The following FHIT variants were observed in gnomAD, a reference collection of about 807,000 sequenced individuals.
FHIT encodes the protein fragile histidine triad diadenosine triphosphatase.
In FHIT, 19 loss-of-function variants were observed where a neutral mutation model predicts 17.9. That is an observed-to-expected ratio of 1.06 (90% CI 0.74 to 1.56). FHIT has a LOEUF of 1.56. Among genes scored for constraint, FHIT ranks in the 40% most tolerant of loss-of-function variants. The pLI, the probability that FHIT is intolerant of heterozygous loss-of-function variation, is 0.00. For missense variants in FHIT, 248 were observed against 189.2 expected (o/e 1.31, Z -1.82); for synonymous variants, 81 against 69.7 (o/e 1.16, Z -0.81).
At chr3:60,759,018 C>A (rs570854741) in intron 4 of FHIT, among the ~76,000 whole-genome samples, 1 of 152,146 alleles carries the variant, frequency 6.6e-6, no homozygotes, top group East Asian at 1.9e-4. Flanking sequence ...GGGCGGAAAT[C>A]ATGAGATGAC....
At chr3:60,910,426 T>TTTC (rs1553765572) in intron 3 of FHIT, among the ~76,000 whole-genome samples, 1 of 151,284 alleles carries the variant, frequency 6.6e-6, no homozygotes, top group Non-Finnish European at 1.5e-5. Flanking sequence ...TTTTTTTTTT[T>TTTC]TCCCAGACGG....
At chr3:60,991,473 C>G (rs1430592634) in intron 3 of FHIT, among the ~76,000 whole-genome samples, 1 of 152,146 alleles carries the variant, frequency 6.6e-6, no homozygotes, top group Non-Finnish European at 1.5e-5. Flanking sequence ...TTACAGCTGT[C>G]TGGGCGTCAT....
At chr3:60,442,913 T>C (rs2031018248) in intron 5 of FHIT, among the ~76,000 whole-genome samples, 1 of 152,314 alleles carries the variant, frequency 6.6e-6, no homozygotes, top group Middle Eastern at 3.4e-3. Flanking sequence ...GAGCATGGAA[T>C]GTTCTTCCAT....
At chr3:61,163,596 C>A (rs1029665272) in intron 2 of FHIT, among the ~76,000 whole-genome samples, 9 of 152,134 alleles carry the variant, frequency 5.9e-5, no homozygotes, top group African/African-American at 2.2e-4. Context: ...GGGTCATAGG[C>A]CTTATTCAAG....
chr3:60,448,221 A>T (rs978439179), intron 5 of FHIT, among the ~76,000 whole-genome samples: 11 of 152,160 alleles, frequency 7.2e-5, no homozygotes, highest in Non-Finnish European at 1.3e-4. Context: ...ACTAAGATCA[A>T]ATGCCCAGGC....
At chr3:60,834,884 A>AAG (rs1702478060) in intron 3 of FHIT, among the ~76,000 whole-genome samples, 2 of 130,100 alleles carry the variant, frequency 1.5e-5, no homozygotes, top group Admixed American at 1.5e-4. Flanking sequence ...AAGAAAAGAA[A>AAG]AAAAAAAAAA....
chr3:60,376,121 T>C (rs1166085775), intron 5 of FHIT, among the ~76,000 whole-genome samples: 1 of 152,128 alleles, frequency 6.6e-6, no homozygotes, highest in African/African-American at 2.4e-5. Context: ...AGTTACATAG[T>C]GTTTAAAATT....
At chr3:61,188,282 C>G (rs1344101159) in intron 2 of FHIT, among the ~76,000 whole-genome samples, 2 of 152,098 alleles carry the variant, frequency 1.3e-5, no homozygotes, top group African/African-American at 2.4e-5. Context: ...TACAAACTAC[C>G]ATCAGAGAAT....
At chr3:60,233,358 G>A (rs1704600316) in intron 5 of FHIT, among the ~76,000 whole-genome samples, 1 of 151,960 alleles carries the variant, frequency 6.6e-6, no homozygotes, top group Non-Finnish European at 1.5e-5. Context: ...CCAGCCCTTT[G>A]CCACCATAGG....
At chr3:60,813,193 C>G (rs1046589971) in intron 4 of FHIT, among the ~76,000 whole-genome samples, 3 of 151,176 alleles carry the variant, frequency 2.0e-5, no homozygotes, top group Non-Finnish European at 4.4e-5. Flanking sequence ...TTCATTTTCT[C>G]CTGCCCTTCT....
intron 7 of FHIT, among the ~76,000 whole-genome samples, chr3:59,974,010 T>C (rs538841403): frequency 1.7e-3 from 261 of 152,032 alleles, no homozygotes; most frequent in African/African-American, 6.1e-3. Context: ...CAAAACTAGT[T>C]TGTGCCACAT....
chr3:59,870,882 T>TGTGTCTGC (rs138279495), intron 8 of FHIT, among the ~76,000 whole-genome samples: 2 of 151,762 alleles, frequency 1.3e-5, no homozygotes, highest in Non-Finnish European at 1.5e-5. Flanking sequence ...TGCGTGTGTG[T>TGTGTCTGC]GTGTGTGTGT....
At chr3:59,955,237 G>C (rs1006008003) in intron 7 of FHIT, among the ~76,000 whole-genome samples, 1 of 152,164 alleles carries the variant, frequency 6.6e-6, no homozygotes, top group Admixed American at 6.5e-5. Flanking sequence ...CATCTCACTA[G>C]ACCTCTGGGC....
At chr3:60,315,290 CAG>C (rs1185568523) in intron 5 of FHIT, among the ~76,000 whole-genome samples, 2 of 152,132 alleles carry the variant, frequency 1.3e-5, no homozygotes, top group African/African-American at 4.8e-5. Context: ...TACACAGCAA[CAG>C]ATAGCCAGAA....
chr3:59,759,471 C>T (rs1330817897), intron 8 of FHIT, among the ~76,000 whole-genome samples: 1 of 152,146 alleles, frequency 6.6e-6, no homozygotes. Flanking sequence ...ATAGATGGAC[C>T]TTGTCATCTG....
chr3:60,274,790 G>A (rs1707041932), intron 5 of FHIT, among the ~76,000 whole-genome samples: 1 of 152,120 alleles, frequency 6.6e-6, no homozygotes, highest in African/African-American at 2.4e-5. Flanking sequence ...CCAGACAGTA[G>A]GTATGGCCCA....
intron 4 of FHIT, among the ~76,000 whole-genome samples, chr3:60,560,624 G>A (rs1345438571): frequency 6.6e-6 from 1 of 152,038 alleles, no homozygotes; most frequent in Non-Finnish European, 1.5e-5. Context: ...GGAAGAACCA[G>A]GCAGGCCTTA....
At chr3:61,040,424 G>A (rs184116835) in intron 3 of FHIT, among the ~76,000 whole-genome samples, 1 of 152,292 alleles carries the variant, frequency 6.6e-6, no homozygotes, top group East Asian at 1.9e-4. Flanking sequence ...CAATTTATTT[G>A]TCTATCCAGA....
chr3:59,969,660 T>C (rs1708088656), intron 7 of FHIT, among the ~76,000 whole-genome samples: 1 of 152,128 alleles, frequency 6.6e-6, no homozygotes, highest in Non-Finnish European at 1.5e-5. Flanking sequence ...CTTGCGTGTA[T>C]TAGATACATT....
Sources: allele counts gnomAD v4.1 joint callset (sites outside exome capture counted in the v4.1 genomes callset), GRCh38; gene constraint gnomAD v4.1.1; transcripts MANE v1.5; gene names NCBI Gene and HGNC (gene_info 2026-07-23, HGNC 2026-07-21).